SIMC1: variants seen among roughly 807,000 people sequenced by gnomAD.
SIMC1 encodes the protein SUMO-interacting motif-containing protein 1.
SIMC1 carries 55 observed loss-of-function variants against 82.3 expected under a neutral mutation model. The observed-to-expected ratio is 0.67, with a 90% CI of 0.54 to 0.84. The LOEUF (loss-of-function observed/expected upper bound fraction) is 0.84, where lower values mean the gene tolerates loss of function less well. Ranked by LOEUF, SIMC1 falls within the 40% of genes least tolerant of loss-of-function variation. SIMC1 has a pLI of 0.00. For synonymous variants in SIMC1, 353 were observed against 426.3 expected (o/e 0.83, Z 2.12); for missense variants, 915 against 1,107.2 (o/e 0.83, Z 2.46).
intron 9 of SIMC1, among the ~76,000 whole-genome samples, chr5:176,338,990 A>G (rs1766018112): frequency 1.3e-5 from 2 of 152,174 alleles, no homozygotes; most frequent in Admixed American, 6.5e-5. Flanking sequence ...TGTTCATTGA[A>G]TCTGTCTTCC....
chr5:176,257,926 A>G (rs1003563731), intron 1 of SIMC1, among the ~76,000 whole-genome samples: 20 of 152,230 alleles, frequency 1.3e-4, no homozygotes, highest in African/African-American at 4.8e-4. Flanking sequence ...ACAATAAAAA[A>G]TGTCTCCAGA....
chr5:176,296,101 C>T, intron 3 of SIMC1, 150 bp from the exon 4 acceptor site: 1 of 1,367,590 alleles, frequency 7.3e-7, no homozygotes, highest in South Asian at 1.5e-5. Flanking sequence ...CCACTACTCT[C>T]AGATTGACAT....
intron 7 of SIMC1, among the ~76,000 whole-genome samples, chr5:176,334,835 A>G (rs936225929): frequency 1.2e-4 from 18 of 152,140 alleles, no homozygotes; most frequent in African/African-American, 4.1e-4. Flanking sequence ...GCTCATGCCT[A>G]TAATCCTAGC....
chr5:176,311,553 A>T (rs909043685), intron 4 of SIMC1, among the ~76,000 whole-genome samples: 12 of 146,406 alleles, frequency 8.2e-5, no homozygotes, highest in African/African-American at 2.5e-4. Context: ...CACATTATTT[A>T]AAAAAAAAAA....
chr5:176,304,225 T>TCTCCCG (rs1764173653), intron 4 of SIMC1: 1 of 152,240 alleles, frequency 6.6e-6, no homozygotes, highest in Non-Finnish European at 1.5e-5. Context: ...TCCCTCTCCC[T>TCTCCCG]CTCCCTCTCC....
At chr5:176,298,412 TC>T (rs1264996584) in intron 4 of SIMC1, among the ~76,000 whole-genome samples, 2 of 152,152 alleles carry the variant, frequency 1.3e-5, no homozygotes, top group Non-Finnish European at 2.9e-5. Flanking sequence ...GATGGGAGTA[TC>T]ACCTGAGGTC....
Position 176,313,356 on chromosome 5 carries a change from T to G in SIMC1, c.1735-335T>G, listed in dbSNP as rs887146474. ...TGGCTGCCTCTTAAATCAAATGATC[T>G]ACAATCCTAGAGATTCCAGTAGATA... On this transcript the variant is annotated intron_variant, in intron 4 of 9. Coordinates refer to ENST00000429602, the MANE Select transcript of SIMC1 (RefSeq NM_001308195.2). 9 of 1,504,642 alleles carry G rather than the reference T, an allele frequency of 6.0e-6. No homozygotes were observed. The African/African-American group carries it at 1.1e-4, about 19-fold the overall frequency. The allele number at this position is 1,504,642 out of a possible 1,614,324, so 93.2% of individuals were successfully genotyped here.
At chr5:176,334,607 C>T (rs1349916341) in intron 7 of SIMC1, among the ~76,000 whole-genome samples, 1 of 152,156 alleles carries the variant, frequency 6.6e-6, no homozygotes, top group Non-Finnish European at 1.5e-5. Flanking sequence ...CACACATTTC[C>T]TGAGCACCCT....
chr5:176,310,811 A>T (rs975745315), intron 4 of SIMC1, among the ~76,000 whole-genome samples: 1 of 152,232 alleles, frequency 6.6e-6, no homozygotes, highest in African/African-American at 2.4e-5. Flanking sequence ...ATGGACCTAC[A>T]TACACACAAA....
chr5:176,285,876 C>T (rs1457062222), intron 1 of SIMC1, among the ~76,000 whole-genome samples: 1 of 152,166 alleles, frequency 6.6e-6, no homozygotes, highest in East Asian at 1.9e-4. Context: ...GAGTGAACTC[C>T]CATTCACAAT....
At chr5:176,244,461 A>G (rs1398084047) in intron 1 of SIMC1, among the ~76,000 whole-genome samples, 3 of 150,434 alleles carry the variant, frequency 2.0e-5, no homozygotes, top group Non-Finnish European at 4.4e-5. Context: ...TAGTGAAGTC[A>G]TTGACCTGGA....
intron 6 of SIMC1, 81 bp from the exon 7 acceptor site, chr5:176,324,548 C>T: frequency 6.8e-7 from 1 of 1,462,294 alleles, no homozygotes; most frequent in South Asian, 1.3e-5. Flanking sequence ...TCGATGTACA[C>T]TGGTGGGGAC....
chr5:176,264,037 A>C (rs1278358095), intron 1 of SIMC1, among the ~76,000 whole-genome samples: 1 of 152,134 alleles, frequency 6.6e-6, no homozygotes, highest in East Asian at 1.9e-4. Context: ...CTCCAAAATA[A>C]TCTCCCTTAA....
At chr5:176,343,795 TTTG>T (rs1187396593) in intron 9 of SIMC1, among the ~76,000 whole-genome samples, 1 of 152,030 alleles carries the variant, frequency 6.6e-6, no homozygotes, top group Non-Finnish European at 1.5e-5. Context: ...TTTGTTTTGT[TTTG>T]TTTTGTTTTT....
At chr5:176,241,847 A>G (rs1371441047) in intron 1 of SIMC1, among the ~76,000 whole-genome samples, 1 of 151,804 alleles carries the variant, frequency 6.6e-6, no homozygotes, top group Admixed American at 6.6e-5. Context: ...TCTGTTTACA[A>G]GATAAATCAT....
chr5:176,245,663 C>T (rs184298184), intron 1 of SIMC1, among the ~76,000 whole-genome samples: 6 of 152,106 alleles, frequency 3.9e-5, no homozygotes, highest in East Asian at 3.9e-4. Context: ...TAACAGACAG[C>T]GACTCTCTAA....
intron 1 of SIMC1, among the ~76,000 whole-genome samples, chr5:176,253,533 C>A (rs1049155417): frequency 4.6e-5 from 7 of 152,004 alleles, no homozygotes; most frequent in African/African-American, 1.7e-4. Context: ...TTTTGATATC[C>A]CTCAGTGCCA....
chr5:176,289,638 C>T lies in SIMC1; in HGVS notation c.130-16C>T. 6.4e-7 allele frequency: 1 copy of T among 1,557,804 alleles called. No individual in the cohort carries two copies. Among genetic ancestry groups the T allele is most frequent in the Non-Finnish European group, 8.7e-7 (1 of 1,152,276 alleles). ...CTCCCATCTTGACCTCTTTTCTTCACACAATCCTTCAACAGGACTTCATTG... is the reference window on the plus strand; with the variant it reads ...CTCCCATCTTGACCTCTTTTCTTCATACAATCCTTCAACAGGACTTCATTG... On this transcript the variant is annotated splice_polypyrimidine_tract_variant and intron_variant, in intron 1 of 9. Coordinates refer to ENST00000429602, the MANE Select transcript of SIMC1 (RefSeq NM_001308195.2).
chr5:176,276,361 CT>C (rs1762696245), intron 1 of SIMC1, among the ~76,000 whole-genome samples: 2 of 151,426 alleles, frequency 1.3e-5, no homozygotes, highest in Middle Eastern at 3.4e-3. Flanking sequence ...ATTCTTCTCT[CT>C]TTTTTTCTTT....
Sources: gnomAD v4.1 joint callset for allele counts (sites outside exome capture counted in the v4.1 genomes callset) on GRCh38, gnomAD v4.1.1 for gene constraint, MANE v1.5 for transcripts, NCBI Gene and HGNC (gene_info 2026-07-23, HGNC 2026-07-21) for gene names.